TAS2R1: variants seen among roughly 807,000 people sequenced by gnomAD.
TAS2R1 encodes the protein taste receptor type 2 member 1.
For missense variants in TAS2R1, 370 were observed against 353.4 expected (o/e 1.05, Z -0.38); for synonymous variants, 141 against 134.2 (o/e 1.05, Z -0.35).
the TAS2R1 span, among the ~76,000 whole-genome samples, chr5:9,861,328 C>T: frequency 6.6e-6 from 1 of 152,050 alleles, no homozygotes; most frequent in Admixed American, 6.6e-5. Context: ...TCATTTAAGG[C>T]TTTAAGTCTC....
At chr5:9,836,816 T>C in the TAS2R1 span, among the ~76,000 whole-genome samples, 251 of 152,294 alleles carry the variant, frequency 1.6e-3, 2 homozygotes, top group African/African-American at 5.8e-3. Flanking sequence ...GGACAAGGCT[T>C]ATACTTGAAA....
At chr5:9,741,043 C>G in the TAS2R1 span, among the ~76,000 whole-genome samples, 2 of 152,202 alleles carry the variant, frequency 1.3e-5, no homozygotes, top group African/African-American at 4.8e-5. Flanking sequence ...TCATTAAATA[C>G]TGAACAGGAA....
the TAS2R1 span, among the ~76,000 whole-genome samples, chr5:9,886,122 C>T: frequency 6.6e-6 from 1 of 151,564 alleles, no homozygotes; most frequent in Admixed American, 6.6e-5. Context: ...ACCTCCACCT[C>T]CCAGGTTCAA....
the TAS2R1 span, among the ~76,000 whole-genome samples, chr5:9,876,445 C>T: frequency 2.6e-5 from 4 of 152,114 alleles, no homozygotes; most frequent in Admixed American, 6.5e-5. Flanking sequence ...TTGAAGGCCA[C>T]AATTGTTCTC....
At position 9,629,957 on chromosome 5, in the gene TAS2R1, T is replaced by G; in HGVS notation, c.76A>C (p.Ile26Leu). 6.2e-7 allele frequency: 1 copy of G among 1,608,544 alleles called. No individual in the cohort carries two copies. The highest frequency in any genetic ancestry group is 8.5e-7 in the Non-Finnish European group (1 of 1,178,170). ...QFLLGIFTNGIIVVVNGIDLI... is the reference protein window; with the variant it reads ...QFLLGIFTNGLIVVVNGIDLI... ...TCAATGCCATTCACCACCACAATGA[T>G]GCCATTTGTGAAAATCCCAAGAAGA... Residue 26 changes from isoleucine (I) to leucine (L), a missense_variant, in exon 1 of 1, where the codon ATC becomes CTC. Ile to Leu is a conservative substitution (Grantham distance 5). Coordinates refer to ENST00000382492, the MANE Select transcript of TAS2R1 (RefSeq NM_019599.3).
At chr5:9,826,468 C>A in the TAS2R1 span, among the ~76,000 whole-genome samples, 1 of 152,176 alleles carries the variant, frequency 6.6e-6, no homozygotes, top group Non-Finnish European at 1.5e-5. Context: ...CAACTGGAAA[C>A]TATTTCATTG....
chr5:9,877,401 A>T, the TAS2R1 span, among the ~76,000 whole-genome samples: 1 of 152,230 alleles, frequency 6.6e-6, no homozygotes, highest in African/African-American at 2.4e-5. Flanking sequence ...ATTTTCTAGC[A>T]GCAAATTTTA....
At chr5:9,746,441 A>G in the TAS2R1 span, among the ~76,000 whole-genome samples, 1 of 152,258 alleles carries the variant, frequency 6.6e-6, no homozygotes, top group African/African-American at 2.4e-5. Flanking sequence ...ATTATAAATC[A>G]TTCTACTATA....
At chr5:9,887,880 C>T in the TAS2R1 span, among the ~76,000 whole-genome samples, 90 of 152,196 alleles carry the variant, frequency 5.9e-4, no homozygotes, top group Middle Eastern at 3.4e-3. Context: ...TAGAATTTTG[C>T]GTGGAATCTC....
the TAS2R1 span, among the ~76,000 whole-genome samples, chr5:9,832,657 T>A: frequency 2.0e-5 from 3 of 152,184 alleles, no homozygotes; most frequent in East Asian, 5.8e-4. Context: ...ATGAGCCAAC[T>A]ATGTGGCAGC....
chr5:9,770,389 C>A, the TAS2R1 span, among the ~76,000 whole-genome samples: 138 of 152,134 alleles, frequency 9.1e-4, no homozygotes, highest in African/African-American at 3.2e-3. Flanking sequence ...GGCTATTTGG[C>A]TATTTTGGGT....
the TAS2R1 span, among the ~76,000 whole-genome samples, chr5:9,823,918 C>A: frequency 1.3e-5 from 2 of 152,074 alleles, no homozygotes; most frequent in Admixed American, 1.3e-4. Flanking sequence ...ACTGATAGAA[C>A]TAAAAAAGAT....
intron 1 of TAS2R1, among the ~76,000 whole-genome samples, chr5:9,690,537 T>C (rs940177048): frequency 9.2e-5 from 14 of 152,018 alleles, no homozygotes; most frequent in Admixed American, 5.2e-4. Context: ...TTATGGAAAA[T>C]AACCTTCGTG....
intron 2 of TAS2R1, among the ~76,000 whole-genome samples, chr5:9,647,287 C>T (rs1579766477): frequency 1.3e-5 from 2 of 152,256 alleles, no homozygotes; most frequent in East Asian, 3.9e-4. Flanking sequence ...AGATGTCTTG[C>T]ATTCTAGAAA....
chr5:9,816,961 G>A, the TAS2R1 span, among the ~76,000 whole-genome samples: 1 of 152,084 alleles, frequency 6.6e-6, no homozygotes, highest in Non-Finnish European at 1.5e-5. Context: ...TTTCTAGCTT[G>A]CAAATTTTCT....
At chr5:9,721,470 G>A in the TAS2R1 span, among the ~76,000 whole-genome samples, 3 of 152,212 alleles carry the variant, frequency 2.0e-5, no homozygotes, top group South Asian at 6.2e-4. Flanking sequence ...ACAAAAGCCT[G>A]TGTGAAAGTC....
chr5:9,752,856 T>C, the TAS2R1 span, among the ~76,000 whole-genome samples: 2 of 152,206 alleles, frequency 1.3e-5, no homozygotes, highest in African/African-American at 2.4e-5. Context: ...GCTTCATCCA[T>C]GTCCCTACAA....
intron 1 of TAS2R1, among the ~76,000 whole-genome samples, chr5:9,670,072 C>CT (rs1472273504): frequency 2.0e-5 from 3 of 152,076 alleles, no homozygotes; most frequent in Non-Finnish European, 2.9e-5. Flanking sequence ...GGGGCTACTA[C>CT]TACCAACCCC....
At chr5:9,749,797 C>G in the TAS2R1 span, among the ~76,000 whole-genome samples, 1 of 152,172 alleles carries the variant, frequency 6.6e-6, no homozygotes, top group Non-Finnish European at 1.5e-5. Flanking sequence ...CCTGCTCATG[C>G]AAAGTTATTT....
Sources: allele counts gnomAD v4.1 joint callset (sites outside exome capture counted in the v4.1 genomes callset), GRCh38; gene constraint gnomAD v4.1.1; transcripts MANE v1.5; gene names NCBI Gene and HGNC (gene_info 2026-07-23, HGNC 2026-07-21).